GPM6B: variants seen among roughly 807,000 people sequenced by gnomAD.
GPM6B encodes neuronal membrane glycoprotein M6-b.
GPM6B carries 4 observed loss-of-function variants against 27.2 expected under a neutral mutation model. The observed-to-expected ratio is 0.15, with a 90% CI of 0.07 to 0.34. The LOEUF is 0.34. GPM6B is among the 10% of genes least tolerant of loss of function. The pLI, the probability that GPM6B is intolerant of heterozygous loss-of-function variation, is 1.00. For missense variants in GPM6B, 183 were observed against 261.9 expected, an observed-to-expected ratio of 0.70 and a Z score of 2.08; for synonymous variants, 124 against 103.1, an observed-to-expected ratio of 1.20 and a Z score of -1.23.
intron 2 of GPM6B, among the ~76,000 whole-genome samples, chrX:13,793,720 GCTTCAC>G (rs2048757292): frequency 8.9e-6 from 1 of 111,875 alleles, no homozygotes; most frequent in African/African-American, 3.3e-5. Context: ...TGATGCCCTG[GCTTCAC>G]CCCAGACCAA....
intron 1 of GPM6B, among the ~76,000 whole-genome samples, chrX:13,888,567 A>C (rs1236646506): frequency 8.9e-6 from 1 of 111,753 alleles, no homozygotes; most frequent in East Asian, 2.8e-4. Context: ...TCTTTTCTCT[A>C]GCAGAAAAAG....
At chrX:13,837,101 G>T (rs2049504758) in intron 1 of GPM6B, among the ~76,000 whole-genome samples, 1 of 112,022 alleles carries the variant, frequency 8.9e-6, no homozygotes, top group Non-Finnish European at 1.9e-5. Context: ...CAGTTATCCG[G>T]CAAGAGAGCC....
chrX:13,837,724 G>GGC lies in GPM6B; in HGVS notation c.-197-51917_-197-51916insGC, dbSNP rs1555918781. Among the ~76,000 whole-genome samples, 224 of 32,875 alleles carry GGC rather than the reference G, an allele frequency of 6.8e-3. 27 individuals carry two copies. Among genetic ancestry groups the GGC allele is most frequent in the East Asian group, 0.052 (46 of 884 alleles). 28.5% of individuals were successfully genotyped at this position (32,875 alleles called of 115,157 possible). A position where few individuals can be genotyped will look rare whatever the true frequency, so the allele number is the denominator to read the frequency against. ...AAGCAAGTTGGTGGGGGGGGGGGGG[G>GGC]GGGGAAGCAGAGGGGAAAGCAAAGC... On this transcript the variant is annotated intron_variant, in intron 1 of 6. Transcript: ENST00000398361.
chrX:13,773,286 G>T, intron 7 of GPM6B: 1 of 208,137 alleles, frequency 4.8e-6, no homozygotes. Context: ...TTAAGAAAAA[G>T]CAAAAATGAA....
intron 1 of GPM6B, among the ~76,000 whole-genome samples, chrX:13,871,679 C>G (rs924599947): frequency 2.7e-5 from 3 of 112,312 alleles, no homozygotes; most frequent in Non-Finnish European, 3.8e-5. Flanking sequence ...TAGAGCTGCT[C>G]TATAACATAT....
intron 2 of GPM6B, 37 bp from the exon 3 acceptor site, chrX:13,785,845 C>T: frequency 9.3e-7 from 1 of 1,080,613 alleles, no homozygotes. Context: ...CCGTTACGGG[C>T]AAGAACACCT....
Position 13,772,861 on chromosome X carries a change from C to A in GPM6B, c.*20G>T, listed in dbSNP as rs759023103. ...TTGTCAGAGCTGTAAATACGTCGGCCGAAACACTCTGGCAAACATTTATGT... is the reference window on the plus strand; with the variant it reads ...TTGTCAGAGCTGTAAATACGTCGGCAGAAACACTCTGGCAAACATTTATGT... On this transcript the variant is annotated 3_prime_UTR_variant, in exon 8 of 8. Transcript: ENST00000316715. 8.3e-7 allele frequency: 1 copy of A among 1,203,372 alleles called. No homozygotes were observed. Among genetic ancestry groups the A allele is most frequent in the African/African-American group, 1.8e-5 (1 of 57,115 alleles).
intron 1 of GPM6B, among the ~76,000 whole-genome samples, chrX:13,844,315 C>A (rs1303376721): frequency 2.7e-5 from 3 of 112,246 alleles, no homozygotes; most frequent in Non-Finnish European, 5.6e-5. Flanking sequence ...TTTGGCATTG[C>A]CAAATTCCAT....
chrX:13,903,619 G>A (rs931315631), intron 1 of GPM6B, among the ~76,000 whole-genome samples: 3 of 112,082 alleles, frequency 2.7e-5, no homozygotes, highest in Non-Finnish European at 5.6e-5. Context: ...GCATAAGTTC[G>A]TCATCATGAA....
intron 1 of GPM6B, among the ~76,000 whole-genome samples, chrX:13,831,176 G>C (rs1235135602): frequency 1.7e-5 from 1 of 59,169 alleles, no homozygotes; most frequent in African/African-American, 8.8e-5. Context: ...GAAGAGCTCA[G>C]TACACACACA....
chrX:13,935,756 G>C, intron 1 of GPM6B, among the ~76,000 whole-genome samples: 1 of 112,324 alleles, frequency 8.9e-6, no homozygotes, highest in Non-Finnish European at 1.9e-5. Flanking sequence ...ACTGAAGGGT[G>C]TGTGTGTCTG....
At chrX:13,884,167 G>A (rs1345071780) in intron 1 of GPM6B, among the ~76,000 whole-genome samples, 1 of 112,502 alleles carries the variant, frequency 8.9e-6, no homozygotes, top group Non-Finnish European at 1.9e-5. Context: ...GACAGAGTGA[G>A]ACTCCATTTC....
upstream of GPM6B, among the ~76,000 whole-genome samples, chrX:13,818,359 TCTC>T (rs113151486): frequency 0.014 from 1,574 of 111,113 alleles, 21 homozygotes; most frequent in African/African-American, 0.049. Context: ...CTAAAATCAC[TCTC>T]CTAAGTTTTG....
chrX:13,861,121 C>T, intron 1 of GPM6B, among the ~76,000 whole-genome samples: 1 of 100,608 alleles, frequency 9.9e-6, no homozygotes, highest in East Asian at 3.1e-4. Flanking sequence ...CATATATATA[C>T]ACATACATAT....
At position 13,776,225 on chromosome X, in the gene GPM6B, G is replaced by A. The variant is rs1450371515; in HGVS notation, c.837+13C>T. Reference sequence around the variant, plus strand: ...GGAGGCTAGACTAGGGTGGTCTTGGGGCCATTACTCACCAGGGCAATGACG... The same window carrying A: ...GGAGGCTAGACTAGGGTGGTCTTGGAGCCATTACTCACCAGGGCAATGACG... On this transcript the variant is annotated intron_variant, in intron 7 of 7. Coordinates refer to ENST00000316715, the MANE Select transcript of GPM6B (RefSeq NM_001001995.3). 6.8e-5 allele frequency: 81 copies of A among 1,192,840 alleles called. No individual in the cohort carries two copies. The highest frequency in any genetic ancestry group is 8.0e-5 in the Non-Finnish European group (70 of 879,948).
intron 1 of GPM6B, among the ~76,000 whole-genome samples, chrX:13,851,162 C>T (rs1345277807): frequency 6.7e-5 from 2 of 29,675 alleles, no homozygotes; most frequent in Non-Finnish European, 1.3e-4. Flanking sequence ...GACTCCATCT[C>T]CAAAAAAAAA....
At chrX:13,804,419 G>GGGGGGGC (rs200965728) in intron 2 of GPM6B, among the ~76,000 whole-genome samples, 2 of 80,167 alleles carry the variant, frequency 2.5e-5, no homozygotes, top group East Asian at 9.2e-4. Flanking sequence ...ATGGACGGCG[G>GGGGGGGC]GGGGGGCGGG....
At chrX:13,938,432 C>G (rs1414585161), upstream of GPM6B, 1 of 552,061 alleles carries the variant, frequency 1.8e-6, no homozygotes, top group African/African-American at 2.4e-5. Flanking sequence ...GGGGCGGGAC[C>G]CTCGGAAGGG....
chrX:13,773,175 G>T, intron 7 of GPM6B, 145 bp from the exon 8 acceptor site: 1 of 432,682 alleles, frequency 2.3e-6, no homozygotes, highest in Non-Finnish European at 3.8e-6. Context: ...AGAGCTGTCA[G>T]ATCCTGAAAG....
Sources: gnomAD v4.1 joint callset for allele counts (sites outside exome capture counted in the v4.1 genomes callset) on GRCh38, gnomAD v4.1.1 for gene constraint, MANE v1.5 for transcripts, NCBI Gene and HGNC (gene_info 2026-07-23, HGNC 2026-07-21) for gene names.